The following CYP2B6 variants were observed in gnomAD, a reference collection of about 807,000 sequenced individuals.
CYP2B6 encodes the protein cytochrome P450 family 2 subfamily B member 6.
In CYP2B6, 35 loss-of-function variants were observed where a neutral mutation model predicts 43.4. The ratio of observed to expected loss-of-function variants is 0.81; its 90% CI spans 0.62 to 1.07. CYP2B6 has a LOEUF of 1.07. Among genes scored for constraint, CYP2B6 ranks in the 50% least tolerant of loss-of-function variants. The pLI is 0.00. For synonymous variants in CYP2B6, 239 were observed against 239.2 expected, an observed-to-expected ratio of 1.00 and a Z score of 0.01; for missense variants, 624 against 632.8, an observed-to-expected ratio of 0.99 and a Z score of 0.15.
chr19:41,010,436 CAG>C (rs1969265255), intron 6 of CYP2B6, among the ~76,000 whole-genome samples: 1 of 146,918 alleles, frequency 6.8e-6, no homozygotes. Context: ...TTTTTTGAGA[CAG>C]AGTCTCGCTC....
chr19:41,003,837 C>T (rs1311776354), intron 1 of CYP2B6, 164 bp from the exon 2 acceptor site: 4 of 897,546 alleles, frequency 4.5e-6, no homozygotes, highest in Non-Finnish European at 7.2e-6. Flanking sequence ...ACAGCGTTAA[C>T]CATTAACCCT....
intron 1 of CYP2B6, among the ~76,000 whole-genome samples, chr19:40,996,348 T>C (rs1420901195): frequency 6.6e-6 from 1 of 152,184 alleles, no homozygotes; most frequent in Non-Finnish European, 1.5e-5. Context: ...AACAAGTACC[T>C]CTGTCACTGG....
At chr19:41,009,729 G>T in intron 5 of CYP2B6, 2 of 597,076 alleles carry the variant, frequency 3.3e-6, no homozygotes, top group South Asian at 4.1e-5. Context: ...ACTCACAGAG[G>T]CAGAAAGAGA....
Position 41,017,080 on chromosome 19 carries a change from T to G in CYP2B6, c.*253T>G. ...TTTTTTGAGACAGAGTCTCACACTG[T>G]TGCCCAGGCTGGAGTGCAGTGGCGT... On this transcript the variant is annotated 3_prime_UTR_variant, in exon 9 of 9. Coordinates refer to ENST00000324071, the MANE Select transcript of CYP2B6 (RefSeq NM_000767.5). 3.6e-6 allele frequency: 1 copy of G among 280,090 alleles called. No homozygotes were observed. 17.4% of individuals were successfully genotyped at this position (280,090 alleles called of 1,614,324 possible).
At chr19:40,995,465 A>G (rs1331321897) in intron 1 of CYP2B6, among the ~76,000 whole-genome samples, 1 of 152,170 alleles carries the variant, frequency 6.6e-6, no homozygotes, top group Non-Finnish European at 1.5e-5. Context: ...GTTCAAGGAC[A>G]GTTTGTCTGG....
chr19:41,007,921 C>T (rs914438606), intron 4 of CYP2B6, among the ~76,000 whole-genome samples: 4 of 152,100 alleles, frequency 2.6e-5, no homozygotes, highest in African/African-American at 2.4e-5. Context: ...CCACCATGCC[C>T]AGACTGCTTC....
In CYP2B6 at chr19:41,010,066, G is replaced by C; in HGVS notation, c.895G>C (p.Gly299Arg). 6.2e-7 allele frequency: 1 copy of C among 1,614,114 alleles called. No homozygotes were observed. ...NLNTLSLFFA[G>R]TETTSTTLRY... ...CAACACGCTCTCGCTCTTCTTTGCT[G>C]GCACTGAGACCACCAGCACCACTCT... The change falls in exon 6 of 9, where the codon GGC (glycine) becomes CGC (arginine). Residue 299 changes from glycine (G) to arginine (R), a missense_variant. Gly to Arg is a moderately radical substitution (Grantham distance 125). Transcript: ENST00000324071.
chr19:41,007,394 G>A, intron 4 of CYP2B6: 1 of 330,622 alleles, frequency 3.0e-6, no homozygotes, highest in South Asian at 3.9e-5. Flanking sequence ...GAGTGTGAAA[G>A]AGAGGGAGAG....
intron 8 of CYP2B6, chr19:41,013,119 AC>A: frequency 2.6e-6 from 1 of 379,380 alleles, no homozygotes; most frequent in South Asian, 2.6e-5. Flanking sequence ...CCAGTGCTGT[AC>A]TGGGGGCTGA....
intron 1 of CYP2B6, among the ~76,000 whole-genome samples, chr19:40,992,637 AG>A (rs1415530451): frequency 6.6e-6 from 1 of 151,946 alleles, no homozygotes; most frequent in African/African-American, 2.4e-5. Context: ...CTCCTGCCTC[AG>A]CCCCCCAAGT....
At chr19:41,014,675 T>G (rs566551321) in intron 8 of CYP2B6, among the ~76,000 whole-genome samples, 3 of 151,710 alleles carry the variant, frequency 2.0e-5, no homozygotes, top group South Asian at 4.2e-4. Flanking sequence ...ACAAAGATAA[T>G]GAGACTGAGA....
chr19:40,993,106 G>A lies in CYP2B6; in HGVS notation c.171+1630G>A, dbSNP rs539922228. ...CAATTGGTCATAGATTTTGTTCAGG[G>A]CATGATGGTAATTAAGGACCAGAGC... On this transcript the variant is annotated intron_variant, in intron 1 of 8. Transcript: ENST00000324071. Among the ~76,000 whole-genome samples the A allele has an allele frequency of 3.7e-4, 56 of 152,222 alleles. 1 individual carries two copies. The highest frequency in any genetic ancestry group is 1.3e-3 in the African/African-American group (55 of 41,486).
At chr19:41,009,927 T>G (rs1380394963) in intron 5 of CYP2B6, 67 bp from the exon 6 acceptor site, 11 of 1,603,220 alleles carry the variant, frequency 6.9e-6, no homozygotes, top group Admixed American at 1.7e-5. Context: ...GCCAGGGAGA[T>G]GGGCGTATAC....
At chr19:41,012,093 T>C (rs527894855) in intron 6 of CYP2B6, among the ~76,000 whole-genome samples, 202 of 152,154 alleles carry the variant, frequency 1.3e-3, no homozygotes, top group African/African-American at 4.7e-3. Context: ...GGAATACAGG[T>C]GTGCACCAGC....
chr19:41,015,229 G>A (rs774083974), intron 8 of CYP2B6, among the ~76,000 whole-genome samples: 35 of 152,084 alleles, frequency 2.3e-4, no homozygotes, highest in Non-Finnish European at 4.1e-4. Flanking sequence ...CCAAACAGAC[G>A]GCCCCAGAGA....
intron 1 of CYP2B6, among the ~76,000 whole-genome samples, chr19:40,993,063 T>C (rs1394230876): frequency 2.0e-5 from 3 of 152,148 alleles, no homozygotes; most frequent in Non-Finnish European, 4.4e-5. Flanking sequence ...ATAAAGATAG[T>C]TCAATAGTAT....
At chr19:41,002,624 T>C (rs1439406442) in intron 1 of CYP2B6, among the ~76,000 whole-genome samples, 1 of 152,138 alleles carries the variant, frequency 6.6e-6, no homozygotes, top group Non-Finnish European at 1.5e-5. Context: ...CTCGCCTCAC[T>C]GCAACCTCCG....
rs1042389 is a variant in CYP2B6, at chr19:41,018,248, T to C, written c.*1421T>C. ...CCCAGTCCTCATTCCCAGCTGCCTC[T>C]TCCTACTGCTTCCGTCTATCAAAAA... is the stretch of plus-strand genomic sequence containing the variant. On this transcript the variant is annotated 3_prime_UTR_variant, in exon 9 of 9. Coordinates refer to ENST00000324071, the MANE Select transcript of CYP2B6 (RefSeq NM_000767.5). The C allele has an allele frequency of 0.21, 32,743 of 152,296 alleles. 3,551 individuals carry two copies. Among genetic ancestry groups the C allele is most frequent in the East Asian group, 0.31 (1,598 of 5,182 alleles). 9.4% of individuals were successfully genotyped at this position (152,296 alleles called of 1,614,324 possible).
rs142442992 is a variant in CYP2B6, at chr19:41,012,377, C to T, written c.1044C>T (p.Tyr348=). ...PELHDRAKMP[Y]TEAVIYEIQR... ...TTCATGACCGAGCCAAAATGCCATA[C>T]ACAGAGGCAGTCATCTATGAGATTC... The change falls in exon 7 of 9, where the codon TAC becomes TAT. Residue 348 remains tyrosine (Y), a synonymous_variant. Transcript: ENST00000324071. The T allele has an allele frequency of 9.7e-5, 156 of 1,614,164 alleles. No homozygotes were observed. Among genetic ancestry groups the T allele is most frequent in the Admixed American group, 4.8e-4 (29 of 60,018 alleles).
Sources: allele counts gnomAD v4.1 joint callset (sites outside exome capture counted in the v4.1 genomes callset), GRCh38; gene constraint gnomAD v4.1.1; transcripts MANE v1.5; gene names NCBI Gene and HGNC (gene_info 2026-07-23, HGNC 2026-07-21).